The following SIPA1L3 variants were observed in gnomAD, a reference collection of about 807,000 sequenced individuals.
SIPA1L3 encodes the protein signal induced proliferation associated 1 like 3.
Under a neutral mutation model 150.1 loss-of-function variants are expected in SIPA1L3, and 59 were observed. The observed-to-expected ratio is 0.39, with a 90% CI of 0.32 to 0.49. The LOEUF is 0.49. SIPA1L3 is among the 20% of genes least tolerant of loss of function. The probability of loss-of-function intolerance (pLI) is 0.86; values close to 1 mark genes in which losing one functional copy is unlikely to be tolerated. For synonymous variants in SIPA1L3, 1,070 were observed against 1,077.6 expected, an observed-to-expected ratio of 0.99 and a Z score of 0.14; for missense variants, 2,211 against 2,489.5, an observed-to-expected ratio of 0.89 and a Z score of 2.38.
Position 37,943,381 on chromosome 19 carries a change from C to T in SIPA1L3, c.-379+36023C>T, listed in dbSNP as rs1427857633. 3.3e-5 allele frequency among the ~76,000 whole-genome samples: 5 copies of T among 152,242 alleles called. No individual in the cohort carries two copies. In the East Asian group the frequency reaches 5.8e-4, roughly 18 times the overall value. On this transcript the variant is annotated intron_variant, in intron 1 of 21. Coordinates refer to ENST00000222345, the MANE Select transcript of SIPA1L3 (RefSeq NM_015073.3). ...TTCTTCTCCCTCACTCCAACTACAG[C>T]TGTTAATTCATGGTATTGACACAGC...
chr19:37,924,255 G>A (rs1033112500), intron 1 of SIPA1L3, among the ~76,000 whole-genome samples: 3 of 151,686 alleles, frequency 2.0e-5, no homozygotes, highest in Admixed American at 2.0e-4. Flanking sequence ...CATGAGCCTA[G>A]GCCTCCACAG....
intron 1 of SIPA1L3, among the ~76,000 whole-genome samples, chr19:38,019,162 A>G (rs2145697462): frequency 6.6e-6 from 1 of 152,342 alleles, no homozygotes; most frequent in South Asian, 2.1e-4. Context: ...CCAGTAACAG[A>G]CACCAGAAAT....
chr19:38,153,893 C>G (rs1971884932), intron 13 of SIPA1L3, among the ~76,000 whole-genome samples: 1 of 152,054 alleles, frequency 6.6e-6, no homozygotes, highest in Non-Finnish European at 1.5e-5. Context: ...GAGATCGAGT[C>G]ACTGCACTCC....
chr19:37,991,854 C>A (rs1376273173), intron 1 of SIPA1L3, among the ~76,000 whole-genome samples: 1 of 152,206 alleles, frequency 6.6e-6, no homozygotes, highest in Admixed American at 6.5e-5. Context: ...AGCCTTGCAG[C>A]TGATGGCTTG....
chr19:38,136,728 G>T (rs76197847), intron 10 of SIPA1L3, among the ~76,000 whole-genome samples: 4,187 of 152,292 alleles, frequency 0.027, 174 homozygotes, highest in African/African-American at 0.093. Context: ...ATTCTGATGC[G>T]TGTAATCTGG....
rs754316546 is a variant in SIPA1L3 at position 38,100,157 on chromosome 19, CAG to C, written c.1854+8_1854+9del. The C allele has an allele frequency of 1.4e-5, 21 of 1,550,596 alleles. No individual in the cohort carries two copies. The highest frequency in any genetic ancestry group is 1.7e-5 in the Non-Finnish European group (19 of 1,149,316). ...GAAGCTCGATGAGCAAGGGGTGAGT[CAG>C]GGGCTGGAGGTGGGGGTGCTGCTGG... On this transcript the variant is annotated splice_region_variant and intron_variant, in intron 5 of 21. Transcript: ENST00000222345.
At chr19:38,105,317 A>G (rs1242926686) in intron 6 of SIPA1L3, among the ~76,000 whole-genome samples, 1 of 151,662 alleles carries the variant, frequency 6.6e-6, no homozygotes. Flanking sequence ...GAGAGCCCAC[A>G]TTGCGCCATT....
At chr19:37,973,151 T>C (rs1287022943) in intron 1 of SIPA1L3, among the ~76,000 whole-genome samples, 1 of 151,742 alleles carries the variant, frequency 6.6e-6, no homozygotes, top group Non-Finnish European at 1.5e-5. Flanking sequence ...CTCACCCAGG[T>C]CAGAACACGT....
chr19:38,159,450 T>A (rs1330286803), intron 13 of SIPA1L3, among the ~76,000 whole-genome samples: 1 of 152,166 alleles, frequency 6.6e-6, no homozygotes, highest in African/African-American at 2.4e-5. Context: ...GTAGTGGACA[T>A]CCTAGGTGTC....
chr19:38,101,547 A>G (rs1282297532), intron 6 of SIPA1L3, among the ~76,000 whole-genome samples: 1 of 152,114 alleles, frequency 6.6e-6, no homozygotes, highest in Non-Finnish European at 1.5e-5. Context: ...ACTAGCTGTG[A>G]CTACAGGTGT....
At chr19:38,169,261 C>T (rs1417608329) in intron 15 of SIPA1L3, among the ~76,000 whole-genome samples, 5 of 152,020 alleles carry the variant, frequency 3.3e-5, no homozygotes, top group African/African-American at 7.2e-5. Context: ...TGGTGGTGCA[C>T]GCCTGTGGTC....
intron 12 of SIPA1L3, among the ~76,000 whole-genome samples, chr19:38,149,682 G>C (rs1165948505): frequency 6.6e-6 from 1 of 152,174 alleles, no homozygotes; most frequent in Admixed American, 6.5e-5. Context: ...TTGAGGAGGT[G>C]GTGAGGCAAA....
rs1324746614 is a variant in SIPA1L3, at chr19:38,081,927, A to G, written c.362A>G (p.Gln121Arg). 11 of 1,614,036 alleles carry G rather than the reference A, an allele frequency of 6.8e-6. No individual in the cohort carries two copies. Among genetic ancestry groups the G allele is most frequent in the African/African-American group, 4.0e-5 (3 of 74,942 alleles). ...ATGGCCCATTCCATGAGGAGCATAC[A>G]GAACGGACAGCCCCCCACCAGCACC... ...TKMAHSMRSI[Q>R]NGQPPTSTPA... is the part of the protein sequence containing the mutation. The change falls in exon 3 of 22, where the codon CAG (glutamine) becomes CGG (arginine). Residue 121 changes from glutamine to arginine, a missense_variant. Gln to Arg is a conservative substitution (Grantham distance 43). This residue lies in a region of SIPA1L3 where 587 missense variants were observed against 534.5 expected (regional missense o/e 1.10). Transcript: ENST00000222345.
At chr19:37,998,529 C>T (rs1384993702) in intron 1 of SIPA1L3, among the ~76,000 whole-genome samples, 2 of 152,176 alleles carry the variant, frequency 1.3e-5, no homozygotes, top group Non-Finnish European at 2.9e-5. Context: ...CATGTGTATT[C>T]CCGGCACTTT....
chr19:38,124,418 G>A (rs1251210242), intron 9 of SIPA1L3, among the ~76,000 whole-genome samples: 7 of 150,846 alleles, frequency 4.6e-5, no homozygotes, highest in African/African-American at 1.7e-4. Context: ...GCCGGGCAGA[G>A]ACGTTCCTCA....
At chr19:38,128,551 G>A (rs905520976) in intron 9 of SIPA1L3, among the ~76,000 whole-genome samples, 11 of 152,178 alleles carry the variant, frequency 7.2e-5, no homozygotes, top group African/African-American at 1.9e-4. Context: ...AGTTTGTGAC[G>A]TAAAATTATT....
chr19:38,061,923 C>T (rs1317961304), intron 2 of SIPA1L3, among the ~76,000 whole-genome samples: 21 of 149,844 alleles, frequency 1.4e-4, no homozygotes, highest in Non-Finnish European at 7.4e-5. Flanking sequence ...GTGGAAGATT[C>T]ACCCTGTTGA....
intron 1 of SIPA1L3, among the ~76,000 whole-genome samples, chr19:38,018,480 C>T (rs1471391759): frequency 2.0e-5 from 3 of 152,100 alleles, no homozygotes; most frequent in Non-Finnish European, 4.4e-5. Flanking sequence ...TCTATGGGTT[C>T]GCCCATTCTG....
intron 8 of SIPA1L3, among the ~76,000 whole-genome samples, chr19:38,116,375 G>C (rs185208954): frequency 6.6e-6 from 1 of 151,534 alleles, no homozygotes; most frequent in African/African-American, 2.4e-5. Flanking sequence ...AGGCGTGGTG[G>C]TGCATGCCTG....
Sources: gnomAD v4.1 joint callset for allele counts (sites outside exome capture counted in the v4.1 genomes callset) on GRCh38, gnomAD v4.1.1 for gene constraint, gnomAD v4.1.1 regional missense constraint, MANE v1.5 for transcripts, NCBI Gene and HGNC (gene_info 2026-07-23, HGNC 2026-07-21) for gene names.